Variants in MTR observed in about 807,000 individuals in gnomAD.
MTR encodes 5-methyltetrahydrofolate-homocysteine methyltransferase.
A neutral mutation model predicts 154.8 loss-of-function variants in MTR; 84 were observed. That is an observed-to-expected ratio of 0.54 (90% CI 0.45 to 0.65). The LOEUF is 0.65. Among genes scored for constraint, MTR ranks in the 30% least tolerant of loss-of-function variants. The probability of loss-of-function intolerance (pLI) is 0.00; values close to 1 mark genes in which losing one functional copy is unlikely to be tolerated. For synonymous variants in MTR, 554 were observed against 553.9 expected, an observed-to-expected ratio of 1.00 and a Z score of 0.00; for missense variants, 1,275 against 1,570.2, an observed-to-expected ratio of 0.81 and a Z score of 3.18.
intron 8 of MTR, chr1:236,820,103 A>G (rs763244544): frequency 6.0e-5 from 46 of 768,772 alleles, no homozygotes; most frequent in Non-Finnish European, 1.0e-4. Flanking sequence ...CCTCTGCGCT[A>G]TGTGGACATT....
intron 30 of MTR, chr1:236,894,780 G>A (rs1441827646): frequency 1.0e-5 from 6 of 577,774 alleles, no homozygotes; most frequent in African/African-American, 3.7e-5. Flanking sequence ...CTTGAATGGT[G>A]CCACAGTTGG....
At chr1:236,870,714 GGACTCCCT>G (rs1665080156) in intron 22 of MTR, among the ~76,000 whole-genome samples, 2 of 152,070 alleles carry the variant, frequency 1.3e-5, no homozygotes, top group African/African-American at 4.8e-5. Context: ...CATATCCAGT[GGACTCCCT>G]GACAGCTCCA....
chr1:236,852,773 C>G, intron 17 of MTR, 136 bp downstream of exon 17: 1 of 1,072,830 alleles, frequency 9.3e-7, no homozygotes, highest in Non-Finnish European at 1.4e-6. Context: ...AGAGCCACAC[C>G]TATTCATTTG....
intron 5 of MTR, among the ~76,000 whole-genome samples, chr1:236,811,984 G>A (rs1445684010): frequency 1.3e-5 from 2 of 152,186 alleles, no homozygotes; most frequent in South Asian, 2.1e-4. Flanking sequence ...GGGTTTGAGC[G>A]ATTATCCTGT....
At position 236,884,557 on chromosome 1, in the gene MTR, A is replaced by G. The variant is rs984847043; in HGVS notation, c.2677-564A>G. Among the ~76,000 whole-genome samples, 90 of 152,310 alleles carry G rather than the reference A, an allele frequency of 5.9e-4. 1 individual carries two copies. The highest frequency in any genetic ancestry group is 1.9e-3 in the African/African-American group (80 of 41,574). Reference sequence around the variant, plus strand: ...CAGGAGAGACCAGGTACAGGCTTTCAGGAGTCATCTCCCCCATAGAGTAAT... The same window carrying G: ...CAGGAGAGACCAGGTACAGGCTTTCGGGAGTCATCTCCCCCATAGAGTAAT... On this transcript the variant is annotated intron_variant, in intron 25 of 32. Coordinates refer to ENST00000366577, the MANE Select transcript of MTR (RefSeq NM_000254.3).
chr1:236,803,674 A>G, intron 2 of MTR, 32 bp downstream of exon 2: 1 of 1,588,076 alleles, frequency 6.3e-7, no homozygotes, highest in South Asian at 1.1e-5. Context: ...ATGTGTATTC[A>G]TTCTGTTATT....
Position 236,880,791 on chromosome 1 carries a change from T to G in MTR, c.2631T>G (p.Ser877Arg). Residue 877 changes from serine to arginine, a missense_variant, in exon 25 of 33, where the codon AGT becomes AGG. Coordinates refer to ENST00000366577, the MANE Select transcript of MTR (RefSeq NM_000254.3). ...HTAVKIAPRYSAPVIHVLDAS... is the reference protein window; with the variant it reads ...HTAVKIAPRYRAPVIHVLDAS... ...CAGTTAAAATAGCTCCGAGATACAG[T>G]GCACCTGTAATCCATGTCCTGGACG... is the stretch of plus-strand genomic sequence containing the variant. 6.2e-7 allele frequency: 1 copy of G among 1,614,206 alleles called. No individual in the cohort carries two copies. Among genetic ancestry groups the G allele is most frequent in the Non-Finnish European group, 8.5e-7 (1 of 1,180,024 alleles).
chr1:236,891,209 C>G lies in MTR; in HGVS notation c.3084C>G (p.Ala1028=), dbSNP rs1443577710. ...NTLISQKKLR[A]RGVVGFWPAQ... ...TGATTAGTCAAAAGAAACTCCGGGC[C>G]CGGGGTGTGGTTGGGTTCTGGCCAG... is the stretch of plus-strand genomic sequence containing the variant. Residue 1028 remains alanine (A), a synonymous_variant, in exon 29 of 33, where the codon GCC becomes GCG. Transcript: ENST00000366577. The G allele has an allele frequency of 6.2e-7, 1 of 1,614,104 alleles. No individual in the cohort carries two copies. The highest frequency in any genetic ancestry group is 1.1e-5 in the South Asian group (1 of 91,068).
chr1:236,825,983 A>G (rs1052317662), intron 10 of MTR, among the ~76,000 whole-genome samples: 1 of 152,020 alleles, frequency 6.6e-6, no homozygotes, highest in Non-Finnish European at 1.5e-5. Context: ...AATCTTTCCA[A>G]TACTCTTGAC....
intron 15 of MTR, among the ~76,000 whole-genome samples, chr1:236,839,281 G>C (rs1241892594): frequency 2.6e-5 from 4 of 152,238 alleles, no homozygotes; most frequent in Non-Finnish European, 5.9e-5. Flanking sequence ...ATGAATAATA[G>C]CAGTGGGTGA....
chr1:236,805,298 A>T (rs1288700989), intron 2 of MTR, among the ~76,000 whole-genome samples: 1 of 152,020 alleles, frequency 6.6e-6, no homozygotes, highest in East Asian at 1.9e-4. Flanking sequence ...TTCAGTAGGG[A>T]TGTGATGCTT....
Position 236,900,632 on chromosome 1 carries a change from A to G in MTR, c.*2988A>G, listed in dbSNP as rs926222260. The G allele has an allele frequency of 2.0e-5, 3 of 152,208 alleles. No homozygotes were observed. The highest frequency in any genetic ancestry group is 4.4e-5 in the Non-Finnish European group (3 of 68,042). 9.4% of individuals were successfully genotyped at this position (152,208 alleles called of 1,614,324 possible). ...TATTAAATATGTTCTACTTAAATAT[A>G]TTATAAAAAATAAAGGCAAAGTGGA... is the stretch of plus-strand genomic sequence containing the variant. On this transcript the variant is annotated 3_prime_UTR_variant, in exon 33 of 33. Transcript: ENST00000366577.
intron 18 of MTR, among the ~76,000 whole-genome samples, chr1:236,858,900 T>C (rs1664361056): frequency 6.6e-6 from 1 of 152,216 alleles, no homozygotes; most frequent in African/African-American, 2.4e-5. Context: ...ATCATTCAGC[T>C]TCTTTGAAAC....
At chr1:236,846,948 G>T (rs762501431) in intron 15 of MTR, among the ~76,000 whole-genome samples, 11 of 151,988 alleles carry the variant, frequency 7.2e-5, no homozygotes, top group Non-Finnish European at 1.2e-4. Flanking sequence ...GTGCGGTGGC[G>T]TGATCTCAGC....
At chr1:236,806,868 A>G (rs565502133) in intron 3 of MTR, among the ~76,000 whole-genome samples, 21 of 152,274 alleles carry the variant, frequency 1.4e-4, no homozygotes, top group Admixed American at 5.9e-4. Flanking sequence ...AGTTTGTTTC[A>G]CTTAATGTAA....
upstream of MTR, chr1:236,795,282 G>A (rs1660296095): frequency 8.3e-7 from 1 of 1,199,942 alleles, no homozygotes; most frequent in Admixed American, 3.4e-5. Context: ...GCCGAGGATA[G>A]ATTGAGCGCA....
chr1:236,813,970 T>A (rs913666800), intron 6 of MTR, among the ~76,000 whole-genome samples: 4 of 152,150 alleles, frequency 2.6e-5, no homozygotes, highest in Admixed American at 2.0e-4. Flanking sequence ...ACTCCTCAGT[T>A]GAAGAGAAGA....
At chr1:236,893,867 A>G (rs1313602113) in intron 29 of MTR, among the ~76,000 whole-genome samples, 1 of 152,114 alleles carries the variant, frequency 6.6e-6, no homozygotes, top group African/African-American at 2.4e-5. Flanking sequence ...CAGGCAGCAC[A>G]TGGCCTGGGC....
chr1:236,834,640 A>G (rs1005392475), intron 13 of MTR, among the ~76,000 whole-genome samples: 6 of 152,180 alleles, frequency 3.9e-5, no homozygotes, highest in African/African-American at 1.4e-4. Flanking sequence ...AAAAAAAATC[A>G]AGACAATATC....
Sources: allele counts gnomAD v4.1 joint callset (sites outside exome capture counted in the v4.1 genomes callset), GRCh38; gene constraint gnomAD v4.1.1; transcripts MANE v1.5; gene names NCBI Gene and HGNC (gene_info 2026-07-23, HGNC 2026-07-21).